MAML3: variants seen among roughly 807,000 people sequenced by gnomAD.
The protein encoded by MAML3 is mastermind-like protein 3.
MAML3 carries 27 observed loss-of-function variants against 101.9 expected under a neutral mutation model. The observed-to-expected ratio is 0.27, with a 90% CI of 0.20 to 0.37. The LOEUF (loss-of-function observed/expected upper bound fraction) is 0.37. Among genes scored for constraint, MAML3 ranks in the 10% least tolerant of loss-of-function variants. MAML3 has a pLI of 1.00. For synonymous variants in MAML3, 501 were observed against 555.9 expected (o/e 0.90, Z 1.39); for missense variants, 1,316 against 1,444.9 (o/e 0.91, Z 1.45).
intron 2 of MAML3, among the ~76,000 whole-genome samples, chr4:139,755,593 G>C (rs898250063): frequency 4.6e-5 from 7 of 152,160 alleles, no homozygotes; most frequent in Admixed American, 2.6e-4. Flanking sequence ...GGGCGACAGA[G>C]CAAGATTCAG....
intron 1 of MAML3, among the ~76,000 whole-genome samples, chr4:139,940,935 T>C (rs1367602582): frequency 1.3e-5 from 2 of 152,334 alleles, no homozygotes; most frequent in East Asian, 3.9e-4. Flanking sequence ...ACTTTGTTAT[T>C]AATGATATTG....
rs147802084 is a variant in MAML3, at chr4:140,030,855, T to C, written c.468+122005A>G. Among the ~76,000 whole-genome samples the C allele has an allele frequency of 4.0e-3, 606 of 152,292 alleles. 1 individual carries two copies. Among genetic ancestry groups the C allele is most frequent in the Non-Finnish European group, 7.0e-3 (477 of 68,034 alleles). On this transcript the variant is annotated intron_variant, in intron 1 of 4. Transcript: ENST00000509479. ...TAAAAATCATCATCATTATTACCTCTCCAGGCACTGCTGTGTTAAGCAGAG... is the reference window on the plus strand; with the variant it reads ...TAAAAATCATCATCATTATTACCTCCCCAGGCACTGCTGTGTTAAGCAGAG...
intron 1 of MAML3, among the ~76,000 whole-genome samples, chr4:140,068,425 T>G (rs1727575522): frequency 6.6e-6 from 1 of 152,174 alleles, no homozygotes; most frequent in Non-Finnish European, 1.5e-5. Flanking sequence ...TTCAAAGACA[T>G]GTAGTGGGTG....
At chr4:139,983,772 G>A (rs1383372277) in intron 1 of MAML3, among the ~76,000 whole-genome samples, 1 of 152,176 alleles carries the variant, frequency 6.6e-6, no homozygotes, top group Non-Finnish European at 1.5e-5. Flanking sequence ...AAAGTGAAAA[G>A]CAAACACACT....
intron 2 of MAML3, among the ~76,000 whole-genome samples, chr4:139,828,591 T>G (rs13112683): frequency 0.4 from 61,055 of 151,834 alleles, 12,539 homozygotes; most frequent in Middle Eastern, 0.48. Context: ...GCCAAGCAAA[T>G]GAACAAATAG....
In MAML3 at chr4:140,020,528, A is replaced by G. The variant is rs999498641; in HGVS notation, c.469-129561T>C. On this transcript the variant is annotated intron_variant, in intron 1 of 4. Coordinates refer to ENST00000509479, the MANE Select transcript of MAML3 (RefSeq NM_018717.5). ...GACTTCAAATAGTTTGATATTGAGC[A>G]AAAGTGTATAAATATATTACAGAAT... Among the ~76,000 whole-genome samples the G allele has an allele frequency of 7.9e-5, 12 of 152,180 alleles. 1 individual carries two copies. The highest frequency in any genetic ancestry group is 6.5e-4 in the Admixed American group (10 of 15,288).
chr4:140,072,779 G>A (rs1347500869), intron 1 of MAML3, among the ~76,000 whole-genome samples: 2 of 152,172 alleles, frequency 1.3e-5, no homozygotes, highest in Admixed American at 6.5e-5. Context: ...GTCTGTCAGG[G>A]GGTCCTGTAG....
chr4:139,844,017 T>A (rs181828850), intron 2 of MAML3, among the ~76,000 whole-genome samples: 5 of 152,226 alleles, frequency 3.3e-5, no homozygotes, highest in African/African-American at 4.8e-5. Context: ...CCTAAGAACA[T>A]TCTGAATCAG....
intron 1 of MAML3, among the ~76,000 whole-genome samples, chr4:140,149,976 G>A: frequency 1.0e-5 from 1 of 97,210 alleles, no homozygotes; most frequent in East Asian, 3.0e-4. Flanking sequence ...GAATTTACTT[G>A]CAACTCTGCT....
intron 1 of MAML3, among the ~76,000 whole-genome samples, chr4:139,903,836 C>G (rs1017824620): frequency 6.6e-6 from 1 of 152,170 alleles, no homozygotes; most frequent in Admixed American, 6.5e-5. Context: ...TCAAGGCACT[C>G]ACAATGTCAG....
rs559273713 is a variant in MAML3, at chr4:139,817,268, C to A, written c.2079+72089G>T. Among the ~76,000 whole-genome samples the A allele has an allele frequency of 2.2e-4, 33 of 152,304 alleles. No individual in the cohort carries two copies. In the South Asian group the frequency reaches 5.6e-3, roughly 26 times the overall value. On this transcript the variant is annotated intron_variant, in intron 2 of 4. Transcript: ENST00000509479. ...AATCATAAAACAGACAAACAAACAT[C>A]AAAAAACTCACTTCCATCTCCATTT...
At chr4:139,994,674 G>A (rs577133752) in intron 1 of MAML3, among the ~76,000 whole-genome samples, 1 of 152,064 alleles carries the variant, frequency 6.6e-6, no homozygotes, top group Admixed American at 6.5e-5. Flanking sequence ...TTAAATGAAT[G>A]AATTAATTAA....
intron 2 of MAML3, among the ~76,000 whole-genome samples, chr4:139,833,017 C>A (rs779610482): frequency 3.2e-4 from 48 of 152,188 alleles, no homozygotes; most frequent in Non-Finnish European, 5.4e-4. Flanking sequence ...CTAATAAGTG[C>A]AACTTGAAAC....
Position 140,109,174 on chromosome 4 carries a change from A to G in MAML3, c.468+43686T>C, listed in dbSNP as rs977013002. ...GACTAAGAAAAGAGAGAAGAAAAAA[A>G]GAGGAAAGGGGAGGTGTGATAACTA... is the stretch of plus-strand genomic sequence containing the variant. On this transcript the variant is annotated intron_variant, in intron 1 of 4. Coordinates refer to ENST00000509479, the MANE Select transcript of MAML3 (RefSeq NM_018717.5). 2.6e-5 allele frequency among the ~76,000 whole-genome samples: 4 copies of G among 152,212 alleles called. No individual in the cohort carries two copies. In the South Asian group the frequency reaches 6.2e-4, roughly 24 times the overall value.
intron 2 of MAML3, among the ~76,000 whole-genome samples, chr4:139,814,538 G>A (rs1166476614): frequency 5.3e-5 from 8 of 152,182 alleles, no homozygotes; most frequent in African/African-American, 1.7e-4. Flanking sequence ...TCCCAGCACT[G>A]CTTCCCACAG....
At chr4:139,936,834 G>T (rs913131163) in intron 1 of MAML3, among the ~76,000 whole-genome samples, 3 of 152,118 alleles carry the variant, frequency 2.0e-5, no homozygotes, top group Non-Finnish European at 4.4e-5. Flanking sequence ...TGACCCCCCT[G>T]AAAGAAAGTC....
At chr4:140,115,789 T>A (rs188895185) in intron 1 of MAML3, among the ~76,000 whole-genome samples, 1 of 152,352 alleles carries the variant, frequency 6.6e-6, no homozygotes, top group African/African-American at 2.4e-5. Context: ...TAAGGTCAAA[T>A]TTTTGTGAAA....
chr4:139,816,617 C>T (rs892903196), intron 2 of MAML3, among the ~76,000 whole-genome samples: 1 of 152,082 alleles, frequency 6.6e-6, no homozygotes, highest in African/African-American at 2.4e-5. Context: ...GCCCTGTCTC[C>T]CTGAGAAGTC....
chr4:139,963,396 C>T (rs193019368), intron 1 of MAML3, among the ~76,000 whole-genome samples: 54 of 152,270 alleles, frequency 3.5e-4, no homozygotes, highest in African/African-American at 9.9e-4. Flanking sequence ...CCAAAGCTAC[C>T]GGTCCACAGA....
Sources: allele counts gnomAD v4.1 joint callset (sites outside exome capture counted in the v4.1 genomes callset), GRCh38; gene constraint gnomAD v4.1.1; transcripts MANE v1.5; gene names NCBI Gene and HGNC (gene_info 2026-07-23, HGNC 2026-07-21).